The following AIG1 variants were observed in gnomAD, a reference collection of about 807,000 sequenced individuals.
The protein encoded by AIG1 is androgen induced 1.
A neutral mutation model predicts 31.4 loss-of-function variants in AIG1; 23 were observed. The observed-to-expected ratio is 0.73, with a 90% CI of 0.53 to 1.04. The LOEUF (loss-of-function observed/expected upper bound fraction) is 1.04, where lower values mean the gene tolerates loss of function less well. AIG1 is among the 50% of genes least tolerant of loss of function. The pLI, the probability that AIG1 is intolerant of heterozygous loss-of-function variation, is 0.00. For synonymous variants in AIG1, 100 were observed against 110.5 expected (o/e 0.90, Z 0.60); for missense variants, 274 against 295.0 (o/e 0.93, Z 0.52).
At chr6:143,069,770 G>A (rs1265658268) in intron 1 of AIG1, among the ~76,000 whole-genome samples, 8 of 152,116 alleles carry the variant, frequency 5.3e-5, no homozygotes, top group Admixed American at 1.3e-4. Context: ...TTTATCAATA[G>A]TGTCTTAAAC....
At chr6:143,134,035 A>G (rs1328673687) in intron 1 of AIG1, among the ~76,000 whole-genome samples, 1 of 152,110 alleles carries the variant, frequency 6.6e-6, no homozygotes, top group African/African-American at 2.4e-5. Flanking sequence ...ATATTGAATT[A>G]GAAGGGAAGG....
intron 3 of AIG1, among the ~76,000 whole-genome samples, chr6:143,195,012 CAT>C (rs1023628116): frequency 1.1e-4 from 16 of 152,218 alleles, no homozygotes; most frequent in Admixed American, 3.3e-4. Flanking sequence ...TGGCCCAACA[CAT>C]ATTTATTTAA....
At chr6:143,105,851 G>A (rs1410808831) in intron 1 of AIG1, among the ~76,000 whole-genome samples, 2 of 152,230 alleles carry the variant, frequency 1.3e-5, no homozygotes, top group Non-Finnish European at 2.9e-5. Flanking sequence ...AGAATCAGGG[G>A]ACTGACTTTT....
Position 143,334,041 on chromosome 6 carries a change from T to G in AIG1, c.679+596T>G, listed in dbSNP as rs1179745585. 2 of 1,549,218 alleles carry G rather than the reference T, an allele frequency of 1.3e-6. No homozygotes were observed. On this transcript the variant is annotated intron_variant, in intron 5 of 5. Transcript: ENST00000357847. This position sits in a 1 kb window ranked among gnomAD's most constrained non-coding sequence, Gnocchi z 5.1. ...CGTGGCTGGAAAAACTCTTTTAACC[T>G]GTGATTTGATTTCTCTTTTGTTTCC...
intron 3 of AIG1, among the ~76,000 whole-genome samples, chr6:143,174,503 A>G (rs941762512): frequency 3.3e-5 from 5 of 151,822 alleles, no homozygotes; most frequent in Admixed American, 1.3e-4. Flanking sequence ...AAAAAAAAAA[A>G]AAAAAGAAAA....
At chr6:143,261,235 G>T (rs1583656708) in intron 3 of AIG1, among the ~76,000 whole-genome samples, 1 of 152,120 alleles carries the variant, frequency 6.6e-6, no homozygotes, top group Admixed American at 6.5e-5. Context: ...GGGTTGAAGC[G>T]ATTCTCCTGT....
chr6:143,328,082 A>T lies in AIG1; in HGVS notation c.516-5200A>T, dbSNP rs188415042. Among the ~76,000 whole-genome samples the T allele has an allele frequency of 6.6e-6, 1 of 152,316 alleles. No homozygotes were observed. Among genetic ancestry groups the T allele is most frequent in the Non-Finnish European group, 1.5e-5 (1 of 68,018 alleles). ...AAACCAAGATTTAAGCAAATCCAAAAATTAGTGGTAGGGTAGTGAAGGGTG... is the reference window on the plus strand; with the variant it reads ...AAACCAAGATTTAAGCAAATCCAAATATTAGTGGTAGGGTAGTGAAGGGTG... On this transcript the variant is annotated intron_variant, in intron 4 of 5. Transcript: ENST00000357847. The surrounding 1 kb of genome is among the most constrained non-coding windows in gnomAD (Gnocchi z 4.0).
intron 1 of AIG1, among the ~76,000 whole-genome samples, chr6:143,109,493 C>T (rs1781087201): frequency 6.6e-6 from 1 of 152,158 alleles, no homozygotes; most frequent in African/African-American, 2.4e-5. Flanking sequence ...TTTAAAAGTT[C>T]CAGTTATCCT....
At chr6:143,172,295 A>G (rs565590122) in intron 3 of AIG1, among the ~76,000 whole-genome samples, 2 of 152,126 alleles carry the variant, frequency 1.3e-5, no homozygotes, top group African/African-American at 4.8e-5. Context: ...TGATGAGCCA[A>G]CCTCTAGAAT....
Position 143,279,989 on chromosome 6 carries a change from T to A in AIG1, c.400-4121T>A, listed in dbSNP as rs1266259888. 6.6e-6 allele frequency among the ~76,000 whole-genome samples: 1 copy of A among 152,204 alleles called. No individual in the cohort carries two copies. The highest frequency in any genetic ancestry group is 1.9e-4 in the East Asian group (1 of 5,190). On this transcript the variant is annotated intron_variant, in intron 3 of 5. Coordinates refer to ENST00000357847, the MANE Select transcript of AIG1 (RefSeq NM_016108.4). The surrounding 1 kb of genome is among the most constrained non-coding windows in gnomAD (Gnocchi z 5.4). ...CTCAGCTCCTGGGGAATTGTTCTGT[T>A]GACAATGTACTGCAGAAAACAGTCC...
In AIG1 at chr6:143,280,225, A is replaced by G. The variant is rs184446858; in HGVS notation, c.400-3885A>G. 2.0e-5 allele frequency among the ~76,000 whole-genome samples: 3 copies of G among 152,332 alleles called. No homozygotes were observed. The highest frequency in any genetic ancestry group is 3.9e-4 in the East Asian group (2 of 5,192). ...AGAAAGCTCTGACTTTCAAAAAGTA[A>G]CAGATGCTGGTGAGGTTGCGAAGAA... On this transcript the variant is annotated intron_variant, in intron 3 of 5. Transcript: ENST00000357847. The surrounding 1 kb of genome is among the most constrained non-coding windows in gnomAD (Gnocchi z 4.1).
intron 3 of AIG1, among the ~76,000 whole-genome samples, chr6:143,255,172 C>T (rs923733438): frequency 6.6e-6 from 1 of 152,214 alleles, no homozygotes; most frequent in African/African-American, 2.4e-5. Flanking sequence ...AGGTATGGAA[C>T]AGCAGGGGCC....
intron 1 of AIG1, among the ~76,000 whole-genome samples, chr6:143,116,295 A>AG (rs1385132600): frequency 6.6e-6 from 1 of 152,172 alleles, no homozygotes; most frequent in African/African-American, 2.4e-5. Context: ...AGAAGACCTT[A>AG]GTTCATATTC....
intron 1 of AIG1, among the ~76,000 whole-genome samples, chr6:143,122,254 T>C (rs1215730929): frequency 6.6e-6 from 1 of 152,222 alleles, no homozygotes; most frequent in Non-Finnish European, 1.5e-5. Context: ...CTTTCTTCTG[T>C]CTACTACAAA....
chr6:143,147,121 C>T (rs543970624), intron 2 of AIG1, among the ~76,000 whole-genome samples: 2 of 152,226 alleles, frequency 1.3e-5, no homozygotes, highest in African/African-American at 2.4e-5. Flanking sequence ...AGGTAGGCTA[C>T]GTTGGTACTT....
At chr6:143,245,529 A>C (rs1280418275) in intron 3 of AIG1, among the ~76,000 whole-genome samples, 6 of 152,222 alleles carry the variant, frequency 3.9e-5, no homozygotes. Flanking sequence ...CAGTACAAAA[A>C]TCCAATCAAG....
At chr6:143,179,711 A>T (rs1788540819) in intron 3 of AIG1, among the ~76,000 whole-genome samples, 1 of 152,232 alleles carries the variant, frequency 6.6e-6, no homozygotes, top group African/African-American at 2.4e-5. Context: ...GAAATGAGTA[A>T]ATCGATGAAT....
chr6:143,210,766 C>T (rs1220176007), intron 3 of AIG1, among the ~76,000 whole-genome samples: 1 of 152,078 alleles, frequency 6.6e-6, no homozygotes. Flanking sequence ...AGAGAGAAAC[C>T]AACATGGCAG....
At chr6:143,139,175 G>T (rs892873212) in intron 2 of AIG1, among the ~76,000 whole-genome samples, 3 of 152,090 alleles carry the variant, frequency 2.0e-5, no homozygotes, top group Admixed American at 2.0e-4. Flanking sequence ...AAAACAAGTG[G>T]TGGCCTTTTT....
Sources: allele counts gnomAD v4.1 joint callset (sites outside exome capture counted in the v4.1 genomes callset), GRCh38; gene constraint gnomAD v4.1.1; non-coding constraint Gnocchi (gnomAD v3.1); transcripts MANE v1.5; gene names NCBI Gene and HGNC (gene_info 2026-07-23, HGNC 2026-07-21).